The following AVEN variants were observed in gnomAD, a reference collection of about 807,000 sequenced individuals.
The protein encoded by AVEN is apoptosis and caspase activation inhibitor, also known as cell death regulator Aven.
In AVEN, 41 loss-of-function variants were observed where a neutral mutation model predicts 38.1. The observed-to-expected ratio is 1.08, with a 90% CI of 0.84 to 1.40. The LOEUF (loss-of-function observed/expected upper bound fraction) is 1.40. Among genes scored for constraint, AVEN ranks in the 40% most tolerant of loss-of-function variants. The probability of loss-of-function intolerance (pLI) is 0.00; values close to 1 mark genes in which losing one functional copy is unlikely to be tolerated. For missense variants in AVEN, 605 were observed against 438.8 expected (o/e 1.38, Z -3.38); for synonymous variants, 206 against 171.8 (o/e 1.20, Z -1.56).
At chr15:33,944,651 T>C (rs886092679) in intron 2 of AVEN, among the ~76,000 whole-genome samples, 1 of 151,792 alleles carries the variant, frequency 6.6e-6, no homozygotes, top group African/African-American at 2.4e-5. Flanking sequence ...CTATTAAAAA[T>C]ACAAAAAATT....
intron 2 of AVEN, among the ~76,000 whole-genome samples, chr15:33,889,878 G>A (rs1381362626): frequency 1.3e-5 from 2 of 152,182 alleles, no homozygotes; most frequent in African/African-American, 4.8e-5. Context: ...TACCATTAGA[G>A]GGGAGACTCG....
At chr15:33,897,549 C>T (rs1198320327) in intron 2 of AVEN, among the ~76,000 whole-genome samples, 1 of 152,038 alleles carries the variant, frequency 6.6e-6, no homozygotes, top group Non-Finnish European at 1.5e-5. Context: ...GGATTACAGG[C>T]ATAAGCCACC....
chr15:33,879,321 A>G (rs8034673), intron 2 of AVEN, among the ~76,000 whole-genome samples: 5,697 of 146,864 alleles, frequency 0.039, 321 homozygotes, highest in South Asian at 0.12. Flanking sequence ...CAAACACCGC[A>G]TGTTCTCACT....
chr15:33,920,929 C>T (rs750840782), intron 2 of AVEN, among the ~76,000 whole-genome samples: 21 of 152,074 alleles, frequency 1.4e-4, no homozygotes, highest in Non-Finnish European at 1.9e-4. Flanking sequence ...GCGCACACCA[C>T]CACACCCAGC....
At chr15:33,932,357 C>T (rs751399754) in intron 2 of AVEN, among the ~76,000 whole-genome samples, 4 of 152,228 alleles carry the variant, frequency 2.6e-5, no homozygotes, top group Admixed American at 1.3e-4. Context: ...GTGTGTACTC[C>T]GTGGACAGTG....
chr15:33,853,494 A>G, the AVEN span: 2 of 1,585,122 alleles, frequency 1.3e-6, no homozygotes, highest in Non-Finnish European at 8.6e-7. Flanking sequence ...AAGACCCCAG[A>G]GCTAGAAAAT....
At chr15:33,923,987 A>C (rs181040643) in intron 2 of AVEN, among the ~76,000 whole-genome samples, 190 of 151,812 alleles carry the variant, frequency 1.3e-3, no homozygotes, top group African/African-American at 4.4e-3. Context: ...GAGTTGTAAA[A>C]TTATTTCACC....
chr15:33,860,789 C>CCTGTT, intron 11 of AVEN: 1 of 762,440 alleles, frequency 1.3e-6, no homozygotes, highest in Admixed American at 2.5e-5. Flanking sequence ...TTTTCCATGC[C>CCTGTT]CTGTTCTCTG....
At chr15:33,864,139 T>TTCTTTCTGATG, downstream of AVEN, 2 of 1,610,706 alleles carry the variant, frequency 1.2e-6, no homozygotes, top group Non-Finnish European at 1.7e-6. Context: ...TCGTTCCAGG[T>TTCTTTCTGATG]TCTTTCTGAT....
At chr15:33,887,377 C>G (rs74006759) in intron 2 of AVEN, among the ~76,000 whole-genome samples, 3,228 of 152,170 alleles carry the variant, frequency 0.021, 112 homozygotes, top group African/African-American at 0.073. Context: ...AGACAATGTG[C>G]CTTTCAACAT....
At chr15:34,047,515 C>A (rs1899753090) in intron 5 of AVEN, among the ~76,000 whole-genome samples, 2 of 152,178 alleles carry the variant, frequency 1.3e-5, no homozygotes, top group Non-Finnish European at 1.5e-5. Flanking sequence ...CCTGGCACCT[C>A]ACAAGATAAG....
At chr15:34,001,286 T>C (rs1190412930) in intron 2 of AVEN, among the ~76,000 whole-genome samples, 11 of 152,080 alleles carry the variant, frequency 7.2e-5, no homozygotes. Flanking sequence ...CCTCCCAAAG[T>C]GCTGGGATTA....
Position 33,975,827 on chromosome 15 carries a change from G to A in AVEN, c.445+27205C>T, listed in dbSNP as rs375318577. Among the ~76,000 whole-genome samples the A allele has an allele frequency of 3.3e-4, 51 of 152,320 alleles. No individual in the cohort carries two copies. In the East Asian group the frequency reaches 6.8e-3, roughly 20 times the overall value. On this transcript the variant is annotated intron_variant, in intron 2 of 5. Transcript: ENST00000306730. ...TGCCTGTAGTCCCAGCTACTCGGGA[G>A]GCTGAGGCAGAAGAATCCCTTGAAC...
chr15:34,065,238 T>G (rs1344251835), intron 4 of AVEN: 3 of 152,398 alleles, frequency 2.0e-5, no homozygotes, highest in East Asian at 3.8e-4. Context: ...TGGCTGAAGA[T>G]TTTCTCCAGG....
chr15:33,897,286 C>A (rs1443779503), intron 2 of AVEN, among the ~76,000 whole-genome samples: 1 of 69,958 alleles, frequency 1.4e-5, no homozygotes, highest in Non-Finnish European at 2.6e-5. Context: ...CCTCAATAAA[C>A]ATAAATTAAT....
intron 2 of AVEN, among the ~76,000 whole-genome samples, chr15:33,920,587 A>G (rs773000266): frequency 6.6e-6 from 1 of 152,210 alleles, no homozygotes; most frequent in South Asian, 2.1e-4. Context: ...TCCTTTTCTG[A>G]TAACAAAAGT....
intron 1 of AVEN, among the ~76,000 whole-genome samples, chr15:34,038,397 C>G (rs1240498545): frequency 6.6e-6 from 1 of 152,232 alleles, no homozygotes; most frequent in Non-Finnish European, 1.5e-5. Context: ...CGAGGGACCA[C>G]GTCGTGGCCG....
chr15:34,043,336 T>A (rs1487213269), upstream of AVEN, among the ~76,000 whole-genome samples: 2 of 152,110 alleles, frequency 1.3e-5, no homozygotes, highest in African/African-American at 4.8e-5. Flanking sequence ...AAATGCACTG[T>A]CCTCTTGCAA....
chr15:33,901,353 T>A (rs591036), intron 2 of AVEN, among the ~76,000 whole-genome samples: 116,052 of 152,226 alleles, frequency 0.76, 48,131 homozygotes, highest in East Asian at 0.97. Context: ...GAAGTCCACA[T>A]ACAATGAAAT....
Sources: gnomAD v4.1 joint callset for allele counts (sites outside exome capture counted in the v4.1 genomes callset) on GRCh38, gnomAD v4.1.1 for gene constraint, MANE v1.5 for transcripts, NCBI Gene and HGNC (gene_info 2026-07-23, HGNC 2026-07-21) for gene names.